Variants in PIK3CB observed in about 807,000 individuals in gnomAD.
PIK3CB encodes phosphatidylinositol-4,5-bisphosphate 3-kinase catalytic subunit beta.
In PIK3CB, 39 loss-of-function variants were observed where a neutral mutation model predicts 136.8. The ratio of observed to expected loss-of-function variants is 0.29; its 90% CI spans 0.22 to 0.37. The LOEUF is 0.37. Among genes scored for constraint, PIK3CB ranks in the 10% least tolerant of loss-of-function variants. The pLI, the probability that PIK3CB is intolerant of heterozygous loss-of-function variation, is 1.00. For missense variants in PIK3CB, 868 were observed against 1,275.4 expected (o/e 0.68, Z 4.87); for synonymous variants, 428 against 436.6 (o/e 0.98, Z 0.25).
At chr3:138,707,890 C>T (rs2044410966) in intron 10 of PIK3CB, among the ~76,000 whole-genome samples, 1 of 152,152 alleles carries the variant, frequency 6.6e-6, no homozygotes. Flanking sequence ...TAAATATGGT[C>T]AATTCACAGA....
intron 1 of PIK3CB, among the ~76,000 whole-genome samples, chr3:138,797,420 C>T (rs1408937995): frequency 2.0e-5 from 3 of 152,144 alleles, no homozygotes; most frequent in Non-Finnish European, 2.9e-5. Context: ...CGTGACTGCA[C>T]AGATTGCACA....
At chr3:138,784,201 C>T (rs2045949465) in intron 2 of PIK3CB, among the ~76,000 whole-genome samples, 1 of 152,176 alleles carries the variant, frequency 6.6e-6, no homozygotes, top group Admixed American at 6.5e-5. Flanking sequence ...GCCTGACCAA[C>T]ATGGTGAAAC....
At chr3:138,753,228 A>G (rs2045505131) in intron 4 of PIK3CB, among the ~76,000 whole-genome samples, 1 of 151,894 alleles carries the variant, frequency 6.6e-6, no homozygotes, top group South Asian at 2.1e-4. Flanking sequence ...TTTAAAAATA[A>G]AAACAAAAAC....
intron 1 of PIK3CB, among the ~76,000 whole-genome samples, chr3:138,812,517 G>A (rs969798655): frequency 4.0e-5 from 6 of 150,928 alleles, no homozygotes; most frequent in Admixed American, 6.6e-5. Context: ...TTACAGGCAT[G>A]AGCCACTGTG....
rs1373580829 is a variant in PIK3CB at position 138,657,901 on chromosome 3, C to G, written c.2797-66G>C. The G allele has an allele frequency of 2.0e-6, 3 of 1,485,374 alleles. No homozygotes were observed. The East Asian group carries it at 6.8e-5, about 34-fold the overall frequency. 92.0% of individuals were successfully genotyped at this position (1,485,374 alleles called of 1,614,324 possible). A position where few individuals can be genotyped will look rare whatever the true frequency, so the allele number is the denominator to read the frequency against. ...TGGGTTCCAAATATAAAGGCAAAACCTCCATAGTCCTAGACCCCCAGGAAC... is the reference window on the plus strand; with the variant it reads ...TGGGTTCCAAATATAAAGGCAAAACGTCCATAGTCCTAGACCCCCAGGAAC... On this transcript the variant is annotated intron_variant, in intron 21 of 23. Coordinates refer to ENST00000674063, the MANE Select transcript of PIK3CB (RefSeq NM_006219.3).
Position 138,655,452 on chromosome 3 carries a change from C to T in PIK3CB, c.3150G>A (p.Arg1050=). The change falls in exon 24 of 24, where the codon AGG becomes AGA. Residue 1050 remains arginine, a synonymous_variant. Transcript: ENST00000674063. ...AGTTCACTTTAGTAGTCCAGCTTTC[C>T]CTGAGCGCCTCATCAAATTTTTGCT... The part of the protein sequence containing the change: ...QFKQKFDEAL[R]ESWTTKVNWM... 6.2e-7 allele frequency: 1 copy of T among 1,613,864 alleles called. No homozygotes were observed. Among genetic ancestry groups the T allele is most frequent in the Non-Finnish European group, 8.5e-7 (1 of 1,179,692 alleles).
intron 2 of PIK3CB, among the ~76,000 whole-genome samples, chr3:138,790,401 T>C (rs1443834323): frequency 2.0e-5 from 3 of 150,072 alleles, no homozygotes; most frequent in African/African-American, 7.4e-5. Context: ...TCACTTCAGC[T>C]CAGGAGTTCG....
chr3:138,738,133 T>C (rs987054077), intron 5 of PIK3CB, among the ~76,000 whole-genome samples: 2 of 152,140 alleles, frequency 1.3e-5, no homozygotes, highest in African/African-American at 2.4e-5. Context: ...AAGATTAATA[T>C]TTAACTAAAG....
At position 138,686,378 on chromosome 3, in the gene PIK3CB, G is replaced by T. The variant is rs930403021; in HGVS notation, c.2137-1575C>A. ...CACTTGAATCTGGAAGGCAGAGGTT[G>T]TAGTGAGCCAAGATCATGCCACTGT... On this transcript the variant is annotated intron_variant, in intron 16 of 23. Coordinates refer to ENST00000674063, the MANE Select transcript of PIK3CB (RefSeq NM_006219.3). Among the ~76,000 whole-genome samples, 4 of 152,024 alleles carry T rather than the reference G, an allele frequency of 2.6e-5. No homozygotes were observed. The South Asian group carries it at 8.3e-4, about 32-fold the overall frequency.
intron 1 of PIK3CB, among the ~76,000 whole-genome samples, chr3:138,821,816 AATATT>A (rs1187297820): frequency 6.6e-6 from 1 of 151,986 alleles, no homozygotes; most frequent in Non-Finnish European, 1.5e-5. Flanking sequence ...AAAAAGGAAA[AATATT>A]AATAATGGAA....
intron 8 of PIK3CB, among the ~76,000 whole-genome samples, chr3:138,715,121 T>G (rs1419024938): frequency 6.6e-6 from 1 of 152,222 alleles, no homozygotes; most frequent in Non-Finnish European, 1.5e-5. Flanking sequence ...CTTCTCTATG[T>G]GTAGGAAAGA....
intron 15 of PIK3CB, among the ~76,000 whole-genome samples, chr3:138,690,145 A>G (rs1422868625): frequency 1.3e-5 from 2 of 152,070 alleles, no homozygotes; most frequent in African/African-American, 2.4e-5. Flanking sequence ...AAATATATGA[A>G]TAAGAAAACC....
chr3:138,659,912 G>A (rs1263363957), intron 21 of PIK3CB, among the ~76,000 whole-genome samples: 3 of 109,678 alleles, frequency 2.7e-5, no homozygotes, highest in African/African-American at 1.1e-4. Context: ...GTCTTGCTCT[G>A]TCGCCCAGGC....
intron 6 of PIK3CB, among the ~76,000 whole-genome samples, chr3:138,736,688 A>G (rs193176492): frequency 6.6e-6 from 1 of 152,300 alleles, no homozygotes; most frequent in Admixed American, 6.5e-5. Context: ...CTCCAAAAAT[A>G]ATCTGGGGCA....
chr3:138,823,360 A>C (rs1933644084), intron 1 of PIK3CB, among the ~76,000 whole-genome samples: 1 of 152,096 alleles, frequency 6.6e-6, no homozygotes, highest in African/African-American at 2.4e-5. Flanking sequence ...TTATTGTATA[A>C]CTATGAACAC....
At chr3:138,754,876 T>C (rs975860206) in intron 4 of PIK3CB, among the ~76,000 whole-genome samples, 5 of 152,226 alleles carry the variant, frequency 3.3e-5, no homozygotes, top group African/African-American at 1.2e-4. Flanking sequence ...TCTGGTTTTG[T>C]ATTTAAACTA....
intron 19 of PIK3CB, among the ~76,000 whole-genome samples, chr3:138,666,955 ACTTTG>A (rs1458095378): frequency 6.6e-6 from 1 of 152,174 alleles, no homozygotes. Context: ...TAATCCCAGC[ACTTTG>A]GGAGACCAAC....
At chr3:138,786,997 G>T (rs1174752788) in intron 2 of PIK3CB, among the ~76,000 whole-genome samples, 2 of 152,150 alleles carry the variant, frequency 1.3e-5, no homozygotes, top group African/African-American at 4.8e-5. Context: ...AAAGTAAAAA[G>T]CACACCACAT....
intron 2 of PIK3CB, among the ~76,000 whole-genome samples, chr3:138,768,509 C>T (rs1462512534): frequency 2.0e-5 from 3 of 152,240 alleles, no homozygotes; most frequent in Non-Finnish European, 4.4e-5. Context: ...CAAGTTCCCA[C>T]TCTAGTCCAT....
Sources: allele counts gnomAD v4.1 joint callset (sites outside exome capture counted in the v4.1 genomes callset), GRCh38; gene constraint gnomAD v4.1.1; transcripts MANE v1.5; gene names NCBI Gene and HGNC (gene_info 2026-07-23, HGNC 2026-07-21).